Variants in QKI observed in about 807,000 individuals in gnomAD.
QKI encodes QKI, KH domain containing RNA binding, also known as KH domain-containing RNA-binding protein QKI.
QKI carries 10 observed loss-of-function variants against 39.0 expected under a neutral mutation model. The observed-to-expected ratio is 0.26, with a 90% CI of 0.16 to 0.43. The LOEUF is 0.43. Ranked by LOEUF, QKI falls within the 20% of genes least tolerant of loss-of-function variation. The pLI, the probability that QKI is intolerant of heterozygous loss-of-function variation, is 1.00. For synonymous variants in QKI, 204 were observed against 155.4 expected (o/e 1.31, Z -2.33); for missense variants, 218 against 428.0 (o/e 0.51, Z 4.33).
intron 2 of QKI, among the ~76,000 whole-genome samples, chr6:163,470,158 T>G (rs1030333173): frequency 6.6e-6 from 1 of 152,166 alleles, no homozygotes; most frequent in Non-Finnish European, 1.5e-5. Flanking sequence ...CTTTTTCTGC[T>G]GAGCACGTTT....
At chr6:163,436,673 G>A (rs938426086) in intron 1 of QKI, among the ~76,000 whole-genome samples, 1 of 151,622 alleles carries the variant, frequency 6.6e-6, no homozygotes, top group African/African-American at 2.4e-5. Context: ...AATTAGCTGG[G>A]CGTGGTGGTG....
chr6:163,507,614 A>G (rs1779178174), intron 3 of QKI, among the ~76,000 whole-genome samples: 1 of 152,232 alleles, frequency 6.6e-6, no homozygotes, highest in Admixed American at 6.5e-5. Flanking sequence ...CCAGGATTAT[A>G]TGTGCAGAGT....
intron 1 of QKI, among the ~76,000 whole-genome samples, chr6:163,416,119 G>A (rs1443433628): frequency 2.7e-5 from 4 of 150,760 alleles, no homozygotes; most frequent in African/African-American, 9.8e-5. Context: ...TGAGTTAGAA[G>A]AACTTGGGCG....
intron 3 of QKI, among the ~76,000 whole-genome samples, chr6:163,509,047 G>A (rs112506839): frequency 0.024 from 3,674 of 152,072 alleles, 87 homozygotes; most frequent in Non-Finnish European, 0.038. Flanking sequence ...GCTGAGCCAC[G>A]AGAATCACTT....
intron 3 of QKI, among the ~76,000 whole-genome samples, chr6:163,507,398 G>T (rs1779164181): frequency 6.6e-6 from 1 of 152,216 alleles, no homozygotes; most frequent in Non-Finnish European, 1.5e-5. Flanking sequence ...AAGGAACTCT[G>T]TAGGATGAGT....
chr6:163,486,703 G>A (rs568513184), intron 3 of QKI, among the ~76,000 whole-genome samples: 1 of 152,162 alleles, frequency 6.6e-6, no homozygotes, highest in African/African-American at 2.4e-5. Context: ...CACTACCCTT[G>A]TTTATAGTTT....
chr6:163,444,545 A>G, intron 1 of QKI, among the ~76,000 whole-genome samples: 1 of 18,618 alleles, frequency 5.4e-5, no homozygotes, highest in East Asian at 5.6e-3. Flanking sequence ...AGTATATTAA[A>G]GAAAATCTAA....
intron 1 of QKI, among the ~76,000 whole-genome samples, chr6:163,429,235 C>G (rs1346908167): frequency 6.6e-6 from 1 of 152,042 alleles, no homozygotes; most frequent in Non-Finnish European, 1.5e-5. Flanking sequence ...TTATAAAGAA[C>G]TTATTTATCA....
intron 1 of QKI, among the ~76,000 whole-genome samples, chr6:163,424,232 T>A (rs1395309470): frequency 6.6e-6 from 1 of 152,218 alleles, no homozygotes; most frequent in Non-Finnish European, 1.5e-5. Flanking sequence ...TCAAAAAAAT[T>A]ACCCTGAAAC....
At chr6:163,518,889 G>A (rs1450190604) in intron 3 of QKI, among the ~76,000 whole-genome samples, 1 of 152,162 alleles carries the variant, frequency 6.6e-6, no homozygotes, top group Non-Finnish European at 1.5e-5. Context: ...AAGAATACCT[G>A]TGAGGTAAGC....
intron 4 of QKI, among the ~76,000 whole-genome samples, chr6:163,548,705 A>G (rs16895103): frequency 0.039 from 5,905 of 152,232 alleles, 397 homozygotes; most frequent in African/African-American, 0.14. Flanking sequence ...ATGTTTGAGG[A>G]TATTGATCTT....
chr6:163,512,689 A>G (rs554633231), intron 3 of QKI, among the ~76,000 whole-genome samples: 1 of 152,226 alleles, frequency 6.6e-6, no homozygotes, highest in East Asian at 1.9e-4. Flanking sequence ...CAATGACACT[A>G]TTTACATTAT....
chr6:163,479,564 G>A (rs1313710734), intron 3 of QKI, among the ~76,000 whole-genome samples: 4 of 152,144 alleles, frequency 2.6e-5, no homozygotes, highest in Non-Finnish European at 5.9e-5. Flanking sequence ...TAGAGATGGG[G>A]TTTCACCATG....
chr6:163,567,090 A>C, intron 7 of QKI: 1 of 1,057,562 alleles, frequency 9.5e-7, no homozygotes, highest in Non-Finnish European at 1.1e-6. Flanking sequence ...ATGTTGCCTC[A>C]GTTATTTTCA....
At chr6:163,480,182 A>G (rs1304005391) in intron 3 of QKI, among the ~76,000 whole-genome samples, 1 of 152,180 alleles carries the variant, frequency 6.6e-6, no homozygotes, top group Non-Finnish European at 1.5e-5. Flanking sequence ...TGGCGGATTT[A>G]AAAAAATAGA....
intron 3 of QKI, among the ~76,000 whole-genome samples, chr6:163,480,269 C>G (rs62428367): frequency 6.6e-6 from 1 of 152,134 alleles, no homozygotes; most frequent in Non-Finnish European, 1.5e-5. Flanking sequence ...TTCTCTCTCT[C>G]TCTCTCTCTT....
chr6:163,514,335 AGC>A (rs1233870686), intron 3 of QKI, among the ~76,000 whole-genome samples: 3 of 152,182 alleles, frequency 2.0e-5, no homozygotes, highest in African/African-American at 7.2e-5. Context: ...TGCAACAAAC[AGC>A]TTTAGAGCTA....
intron 3 of QKI, among the ~76,000 whole-genome samples, chr6:163,492,193 C>G (rs1157524972): frequency 6.6e-6 from 1 of 152,080 alleles, no homozygotes; most frequent in Non-Finnish European, 1.5e-5. Flanking sequence ...ATTTTTCAGT[C>G]TAATATATTA....
chr6:163,452,218 T>C (rs1790619478), intron 1 of QKI, among the ~76,000 whole-genome samples: 1 of 152,116 alleles, frequency 6.6e-6, no homozygotes, highest in African/African-American at 2.4e-5. Flanking sequence ...ATTTTCTACT[T>C]TTTTCCCCTG....
Sources: gnomAD v4.1 joint callset for allele counts (sites outside exome capture counted in the v4.1 genomes callset) on GRCh38, gnomAD v4.1.1 for gene constraint, MANE v1.5 for transcripts, NCBI Gene and HGNC (gene_info 2026-07-23, HGNC 2026-07-21) for gene names.